Variants in CDC42BPG observed in about 807,000 individuals in gnomAD.
The protein encoded by CDC42BPG is serine/threonine-protein kinase MRCK gamma.
Under a neutral mutation model 192.2 loss-of-function variants are expected in CDC42BPG, and 157 were observed. The observed-to-expected ratio is 0.82, with a 90% CI of 0.72 to 0.93. The LOEUF (loss-of-function observed/expected upper bound fraction) is 0.93, where lower values mean the gene tolerates loss of function less well. Ranked by LOEUF, CDC42BPG falls within the 40% of genes least tolerant of loss-of-function variation. CDC42BPG has a pLI of 0.00. For synonymous variants in CDC42BPG, 981 were observed against 918.5 expected (o/e 1.07, Z -1.23); for missense variants, 1,992 against 2,122.1 (o/e 0.94, Z 1.20).
intron 24 of CDC42BPG, 63 bp from the exon 25 acceptor site, chr11:64,833,022 CG>C: frequency 1.4e-6 from 2 of 1,479,014 alleles, no homozygotes; most frequent in Non-Finnish European, 9.0e-7. Context: ...CAAACCAGGA[CG>C]GGGGCATGTC....
In CDC42BPG at chr11:64,837,002, C is replaced by A. The variant is rs778140046; in HGVS notation, c.1223G>T (p.Ser408Ile). The A allele has an allele frequency of 2.5e-6, 4 of 1,613,558 alleles. No individual in the cohort carries two copies. The highest frequency in any genetic ancestry group is 1.1e-5 in the South Asian group (1 of 91,092). Residue 408 changes from serine to isoleucine, a missense_variant, in exon 10 of 37, where the codon AGC becomes ATC. Coordinates refer to ENST00000342711, the MANE Select transcript of CDC42BPG (RefSeq NM_017525.3). ...YTSGSHSPES[S>I]SEAWAALERK... ...CTCCAGGGCAGCCCAAGCCTCAGAG[C>A]TGCTCTCAGGACTGTGACTGTAGGG...
intron 14 of CDC42BPG, 53 bp from the exon 15 acceptor site, chr11:64,835,674 C>T (rs1486967931): frequency 1.3e-6 from 2 of 1,588,866 alleles, no homozygotes; most frequent in East Asian, 2.2e-5. Flanking sequence ...ATGGCCCACC[C>T]ACCTGGGACA....
intron 1 of CDC42BPG, among the ~76,000 whole-genome samples, chr11:64,842,453 G>T (rs530004503): frequency 2.6e-5 from 4 of 152,294 alleles, no homozygotes; most frequent in African/African-American, 7.2e-5. Context: ...CTAGGGCAGG[G>T]AGGACAGGCT....
chr11:64,830,062 G>T lies in CDC42BPG; in HGVS notation c.3376C>A (p.Gln1126Lys), dbSNP rs768052838. The change falls in exon 30 of 37, where the codon CAG (glutamine) becomes AAG (lysine). Residue 1126 changes from glutamine (Q) to lysine (K), a missense_variant. Gln to Lys is a moderately conservative substitution (Grantham distance 53). Coordinates refer to ENST00000342711, the MANE Select transcript of CDC42BPG (RefSeq NM_017525.3). Reference sequence around the variant, plus strand: ...TGCACGCGCCGGCACTCCCCCACCTGGAAGATGTCTGCAGGGTTGGCGAGG... The same window carrying T: ...TGCACGCGCCGGCACTCCCCCACCTTGAAGATGTCTGCAGGGTTGGCGAGG... ...VIHLRSNDIF[Q>K]VGECRRVQQL... 1 of 1,612,686 alleles carries T rather than the reference G, an allele frequency of 6.2e-7. No individual in the cohort carries two copies. The highest frequency in any genetic ancestry group is 8.5e-7 in the Non-Finnish European group (1 of 1,179,466).
Position 64,839,556 on chromosome 11 carries a change from G to C in CDC42BPG, c.597C>G (p.Asp199Glu), listed in dbSNP as rs768549019. ...GCCCGTTCACATCCAGCAGGACGTT[G>C]TCTGGCTTGACATCCCTGGGGGATG... ...LGYVHRDVKP[D>E]NVLLDVNGHI... Residue 199 changes from aspartate to glutamate, a missense_variant, in exon 6 of 37, where the codon GAC (aspartate) becomes GAG (glutamate). Asp to Glu is a conservative substitution (Grantham distance 45). Around this residue, in one of 2 missense-constraint regions of CDC42BPG, gnomAD observed 1,656 missense variants for 1,844.3 expected, o/e 0.90. Coordinates refer to ENST00000342711, the MANE Select transcript of CDC42BPG (RefSeq NM_017525.3). The C allele has an allele frequency of 2.5e-6, 4 of 1,612,446 alleles. No homozygotes were observed. Among genetic ancestry groups the C allele is most frequent in the Non-Finnish European group, 3.4e-6 (4 of 1,179,752 alleles).
chr11:64,840,701 C>A, intron 3 of CDC42BPG, 53 bp from the exon 4 acceptor site: 1 of 1,130,848 alleles, frequency 8.8e-7, no homozygotes, highest in Non-Finnish European at 1.1e-6. Context: ...GCCCAGGATG[C>A]CCCCCTTGCC....
chr11:64,837,705 AC>A (rs1208997029), intron 9 of CDC42BPG, among the ~76,000 whole-genome samples: 1 of 151,854 alleles, frequency 6.6e-6, no homozygotes, highest in East Asian at 1.9e-4. Context: ...CAGGCGATCC[AC>A]CCGCCTCGAC....
Position 64,827,039 on chromosome 11 carries a change from AGAGGACTAACCGGG to A in CDC42BPG, c.4386_4389+10del, listed in dbSNP as rs776112523. 3 of 1,570,556 alleles carry A rather than the reference AGAGGACTAACCGGG, an allele frequency of 1.9e-6. No homozygotes were observed. Among genetic ancestry groups the A allele is most frequent in the Non-Finnish European group, 2.6e-6 (3 of 1,144,480 alleles). On this transcript the variant is annotated splice_donor_variant and splice_donor_5th_base_variant and coding_sequence_variant and intron_variant, in exon 34 of 37. Coordinates refer to ENST00000342711, the MANE Select transcript of CDC42BPG (RefSeq NM_017525.3). LOFTEE classifies it high-confidence loss of function. Reference sequence around the variant, plus strand: ...ACCAAAGTGGCTTGTGATTGGCTCCAGAGGACTAACCGGGGACTTGTCCCTGGCGCCGGGCCGCC... The same window carrying A: ...ACCAAAGTGGCTTGTGATTGGCTCCAGACTTGTCCCTGGCGCCGGGCCGCC...
intron 28 of CDC42BPG, 149 bp downstream of exon 28, chr11:64,831,356 C>A: frequency 1.5e-6 from 1 of 682,136 alleles, no homozygotes; most frequent in East Asian, 2.9e-5. Context: ...GCCATGCACA[C>A]AGGAGGCTGG....
intron 36 of CDC42BPG, among the ~76,000 whole-genome samples, chr11:64,825,404 G>C (rs1942378538): frequency 1.3e-5 from 2 of 152,286 alleles, no homozygotes; most frequent in South Asian, 4.1e-4. Flanking sequence ...GGGTGGCAAA[G>C]GTGGCACCAG....
chr11:64,833,530 C>A, intron 23 of CDC42BPG, 70 bp downstream of exon 23: 1 of 1,419,204 alleles, frequency 7.0e-7, no homozygotes, highest in South Asian at 1.3e-5. Context: ...GTGGAGTGTC[C>A]CCACAGTGCC....
Position 64,837,018 on chromosome 11 carries a change from G to C in CDC42BPG, c.1207C>G (p.His403Asp), listed in dbSNP as rs752046185. 6.2e-7 allele frequency: 1 copy of C among 1,612,036 alleles called. No individual in the cohort carries two copies. Among genetic ancestry groups the C allele is most frequent in the East Asian group, 2.2e-5 (1 of 44,878 alleles). The change falls in exon 10 of 37, where the codon CAC (histidine) becomes GAC (aspartate). Residue 403 changes from histidine to aspartate, a missense_variant and splice_region_variant. By Grantham distance (81) the His-to-Asp change is moderately conservative. Transcript: ENST00000342711. Reference protein sequence around the residue: ...FVGFTYTSGSHSPESSSEAWA... With the variant: ...FVGFTYTSGSDSPESSSEAWA... The stretch of plus-strand genomic sequence containing the variant: ...GCCTCAGAGCTGCTCTCAGGACTGT[G>C]ACTGTAGGGGGACAGGGGCCATGTT...
At chr11:64,833,428 AC>A (rs1942802590) in intron 23 of CDC42BPG, 92 bp from the exon 24 acceptor site, 1 of 962,828 alleles carries the variant, frequency 1.0e-6, no homozygotes, top group East Asian at 2.6e-5. Flanking sequence ...GAGCCAGGCA[AC>A]AGTGACCTCC....
chr11:64,831,713 G>A lies in CDC42BPG; in HGVS notation c.3096C>T (p.Thr1032=), dbSNP rs1942701592. The A allele has an allele frequency of 1.3e-6, 2 of 1,595,852 alleles. No individual in the cohort carries two copies. Among genetic ancestry groups the A allele is most frequent in the East Asian group, 2.3e-5 (1 of 44,340 alleles). Residue 1032 remains threonine (T), a synonymous_variant, in exon 28 of 37, where the codon ACC becomes ACT. Transcript: ENST00000342711. ...RDLPRIFRVT[T]SQLAVPPTTC... The stretch of plus-strand genomic sequence containing the variant: ...TGGTGGGCGGCACTGCCAGCTGGGA[G>A]GTTGTCACCTGTGGGCAAGGACCCC...
At chr11:64,837,446 G>A (rs1189288756) in intron 9 of CDC42BPG, among the ~76,000 whole-genome samples, 2 of 152,150 alleles carry the variant, frequency 1.3e-5, no homozygotes, top group Non-Finnish European at 2.9e-5. Context: ...CCAGCCCCTC[G>A]AATGGGAGTA....
At position 64,833,296 on chromosome 11, in the gene CDC42BPG, G is replaced by C. The variant is rs763908982; in HGVS notation, c.2666C>G (p.Pro889Arg). ...HTLRPRSFPS[P>R]TKCLRCTSLM... ...CGAGGTGCAGCGGAGACACTTGGTCGGGGATGGGAAGCTCCGGGGGCGCAG... is the reference window on the plus strand; with the variant it reads ...CGAGGTGCAGCGGAGACACTTGGTCCGGGATGGGAAGCTCCGGGGGCGCAG... Residue 889 changes from proline (P) to arginine (R), a missense_variant, in exon 24 of 37, where the codon CCG (proline) becomes CGG (arginine). Around this residue, in one of 2 missense-constraint regions of CDC42BPG, gnomAD observed 1,656 missense variants for 1,844.3 expected, o/e 0.90. Coordinates refer to ENST00000342711, the MANE Select transcript of CDC42BPG (RefSeq NM_017525.3). 1.2e-5 allele frequency: 19 copies of C among 1,544,218 alleles called. No individual in the cohort carries two copies. The highest frequency in any genetic ancestry group is 5.9e-5 in the Admixed American group (3 of 50,534).
intron 23 of CDC42BPG, 28 bp downstream of exon 23, chr11:64,833,572 C>T: frequency 6.3e-7 from 1 of 1,587,638 alleles, no homozygotes; most frequent in Middle Eastern, 1.9e-4. Flanking sequence ...TTGGTGCCCC[C>T]ACCCTGCTTG....
At chr11:64,828,155 G>A (rs1942521556) in intron 30 of CDC42BPG, among the ~76,000 whole-genome samples, 1 of 152,130 alleles carries the variant, frequency 6.6e-6, no homozygotes, top group Non-Finnish European at 1.5e-5. Context: ...TGGGTGATAT[G>A]CGGCACCCAA....
chr11:64,830,359 G>A, intron 28 of CDC42BPG, 103 bp from the exon 29 acceptor site: 1 of 988,420 alleles, frequency 1.0e-6, no homozygotes, highest in Middle Eastern at 2.3e-4. Context: ...TTGAGGAAAT[G>A]GGGGTGGCAA....
Sources: allele counts gnomAD v4.1 joint callset (sites outside exome capture counted in the v4.1 genomes callset), GRCh38; gene constraint gnomAD v4.1.1; regional missense constraint gnomAD v4.1.1; transcripts MANE v1.5; gene names NCBI Gene and HGNC (gene_info 2026-07-23, HGNC 2026-07-21).